FOXP2: variants seen among roughly 807,000 people sequenced by gnomAD.
FOXP2 encodes forkhead box protein P2.
Under a neutral mutation model 115.8 loss-of-function variants are expected in FOXP2, and 12 were observed. The observed-to-expected ratio is 0.10, with a 90% confidence interval of 0.07 to 0.17. FOXP2 has a LOEUF of 0.17. Ranked by LOEUF, FOXP2 falls within the 10% of genes least tolerant of loss-of-function variation. The pLI, the probability that FOXP2 is intolerant of heterozygous loss-of-function variation, is 1.00. For synonymous variants in FOXP2, 328 were observed against 297.7 expected (o/e 1.10, Z -1.05); for missense variants, 629 against 843.5 (o/e 0.75, Z 3.15).
intron 1 of FOXP2, among the ~76,000 whole-genome samples, chr7:114,147,969 C>T (rs1792421309): frequency 6.6e-6 from 1 of 152,080 alleles, no homozygotes; most frequent in South Asian, 2.1e-4. Context: ...CTTCTTTTTT[C>T]TCCTAGGATG....
intron 2 of FOXP2, among the ~76,000 whole-genome samples, chr7:114,311,534 C>T (rs1797147036): frequency 1.3e-5 from 2 of 152,102 alleles, no homozygotes; most frequent in South Asian, 4.2e-4. Flanking sequence ...CAAGAGTCCC[C>T]CAGTGCAAAC....
chr7:114,606,054 G>A (rs1279765305), intron 3 of FOXP2, among the ~76,000 whole-genome samples: 1 of 152,162 alleles, frequency 6.6e-6, no homozygotes, highest in Non-Finnish European at 1.5e-5. Flanking sequence ...GACCAAGAAG[G>A]CGTTGGACTG....
Position 114,133,518 on chromosome 7 carries a change from G to A in FOXP2, c.-246-29426G>A, listed in dbSNP as rs564151651. Among the ~76,000 whole-genome samples, 11 of 152,348 alleles carry A rather than the reference G, an allele frequency of 7.2e-5. No homozygotes were observed. In the East Asian group the frequency reaches 7.7e-4, roughly 11 times the overall value. On this transcript the variant is annotated intron_variant, in intron 1 of 19. Coordinates refer to the FOXP2 transcript ENST00000635638. ...CAGTCCAAGGACTGAGCCCTGGGGC[G>A]TTCCACTGTTGATATTTTGAGTAAA...
intron 2 of FOXP2, among the ~76,000 whole-genome samples, chr7:114,447,014 T>C (rs1794865242): frequency 2.0e-5 from 3 of 152,042 alleles, no homozygotes; most frequent in Non-Finnish European, 1.5e-5. Flanking sequence ...CCTCCCAAAG[T>C]GCTGGGACTA....
At chr7:114,679,014 G>C (rs1311738577) in intron 16 of FOXP2, among the ~76,000 whole-genome samples, 1 of 152,070 alleles carries the variant, frequency 6.6e-6, no homozygotes, top group South Asian at 2.1e-4. Flanking sequence ...TAAATTTATA[G>C]AGTTCAGTGA....
intron 3 of FOXP2, among the ~76,000 whole-genome samples, chr7:114,545,455 T>G (rs1253402267): frequency 6.6e-6 from 1 of 152,246 alleles, no homozygotes; most frequent in Non-Finnish European, 1.5e-5. Flanking sequence ...TGATTTCTTA[T>G]GTAAAATCTT....
intron 16 of FOXP2, chr7:114,666,548 G>A (rs1266117307): frequency 1.3e-5 from 2 of 152,096 alleles, no homozygotes; most frequent in Non-Finnish European, 2.9e-5. Context: ...ATAATTGAGT[G>A]CATTTCAAAA....
At chr7:114,267,302 A>G (rs1341666109) in intron 1 of FOXP2, among the ~76,000 whole-genome samples, 1 of 152,192 alleles carries the variant, frequency 6.6e-6, no homozygotes, top group Non-Finnish European at 1.5e-5. Flanking sequence ...TTTTGCAAGT[A>G]TCGCCAAATT....
intron 1 of FOXP2, among the ~76,000 whole-genome samples, chr7:114,157,741 A>G (rs1358722870): frequency 1.3e-5 from 2 of 152,112 alleles, no homozygotes; most frequent in African/African-American, 2.4e-5. Context: ...GTGCCAGTCT[A>G]ATGTACTATA....
rs1476053902 is a variant in FOXP2, at chr7:114,691,364, C to T, written c.*1438C>T. On this transcript the variant is annotated 3_prime_UTR_variant, in exon 17 of 17. Coordinates refer to ENST00000350908, the MANE Select transcript of FOXP2 (RefSeq NM_014491.4). ...AAAGTGATCTAGCTGAGTTTTTACA[C>T]TGAAAGCAAAGATTATAGCAATTGT... 1 of 453,914 alleles carries T rather than the reference C, an allele frequency of 2.2e-6. No homozygotes were observed. Among genetic ancestry groups the T allele is most frequent in the Admixed American group, 2.4e-5 (1 of 42,536 alleles). The allele number at this position is 453,914 out of a possible 1,614,324, so 28.1% of individuals were successfully genotyped here.
chr7:114,410,215 A>C (rs1230879190), upstream of FOXP2, among the ~76,000 whole-genome samples: 1 of 152,108 alleles, frequency 6.6e-6, no homozygotes, highest in Admixed American at 6.6e-5. Flanking sequence ...AGGCAGGGTT[A>C]GATACATATC....
At chr7:114,615,928 C>T (rs1241863272) in intron 3 of FOXP2, among the ~76,000 whole-genome samples, 3 of 152,164 alleles carry the variant, frequency 2.0e-5, no homozygotes, top group Admixed American at 1.3e-4. Context: ...GAGAACTTCC[C>T]TGACTTTATG....
chr7:114,330,797 G>C (rs751396313), intron 2 of FOXP2, among the ~76,000 whole-genome samples: 2 of 152,072 alleles, frequency 1.3e-5, no homozygotes, highest in Non-Finnish European at 2.9e-5. Context: ...AATAATATCT[G>C]TTTATAGTTT....
intron 10 of FOXP2, among the ~76,000 whole-genome samples, chr7:114,654,778 G>T (rs1374391114): frequency 1.3e-5 from 2 of 152,028 alleles, no homozygotes; most frequent in African/African-American, 4.8e-5. Flanking sequence ...TTTTAATAAG[G>T]CCCCTGTATA....
At chr7:114,117,316 G>C (rs1342212480) in intron 1 of FOXP2, among the ~76,000 whole-genome samples, 1 of 151,586 alleles carries the variant, frequency 6.6e-6, no homozygotes. Flanking sequence ...CTGCTTCCTG[G>C]GTTCAAGTGA....
chr7:114,610,172 A>T (rs985640690), intron 3 of FOXP2, among the ~76,000 whole-genome samples: 1 of 152,324 alleles, frequency 6.6e-6, no homozygotes, highest in African/African-American at 2.4e-5. Context: ...TCAATTATTC[A>T]TAGTTAACAT....
At chr7:114,157,876 G>T (rs1792710458) in intron 1 of FOXP2, among the ~76,000 whole-genome samples, 1 of 152,104 alleles carries the variant, frequency 6.6e-6, no homozygotes, top group South Asian at 2.1e-4. Flanking sequence ...TTGGAGTAAA[G>T]AGGGAAAAAC....
chr7:114,564,345 G>A (rs116402792), intron 3 of FOXP2, among the ~76,000 whole-genome samples: 15 of 152,000 alleles, frequency 9.9e-5, no homozygotes, highest in African/African-American at 2.9e-4. Flanking sequence ...TACTTTTTAC[G>A]TCTTCAGCAA....
chr7:114,441,072 A>G (rs1255829681), intron 2 of FOXP2, among the ~76,000 whole-genome samples: 1 of 152,184 alleles, frequency 6.6e-6, no homozygotes, highest in Non-Finnish European at 1.5e-5. Flanking sequence ...TCTAACTCCA[A>G]TAAATGTCCT....
Sources: allele counts gnomAD v4.1 joint callset (sites outside exome capture counted in the v4.1 genomes callset), GRCh38; gene constraint gnomAD v4.1.1; transcripts MANE v1.5; gene names NCBI Gene and HGNC (gene_info 2026-07-23, HGNC 2026-07-21).